Variants in DAB1 observed in about 807,000 individuals in gnomAD.
DAB1 encodes DAB adaptor protein 1, also known as disabled homolog 1.
Under a neutral mutation model 64.6 loss-of-function variants are expected in DAB1, and 15 were observed. That is an observed-to-expected ratio of 0.23 (90% CI 0.16 to 0.36). DAB1 has a LOEUF of 0.36. Among genes scored for constraint, DAB1 ranks in the 10% least tolerant of loss-of-function variants. The pLI is 1.00. For synonymous variants in DAB1, 235 were observed against 251.9 expected, an observed-to-expected ratio of 0.93 and a Z score of 0.64; for missense variants, 596 against 706.7, an observed-to-expected ratio of 0.84 and a Z score of 1.78.
intron 2 of DAB1, among the ~76,000 whole-genome samples, chr1:57,263,506 A>ACCT (rs1316060911): frequency 6.6e-6 from 1 of 152,194 alleles, no homozygotes; most frequent in Non-Finnish European, 1.5e-5. Context: ...GGACCTAGTA[A>ACCT]GCACTTATTA....
At chr1:58,480,960 T>C (rs200517032) in intron 3 of DAB1, 6 of 858,736 alleles carry the variant, frequency 7.0e-6, no homozygotes, top group Non-Finnish European at 1.2e-5. Context: ...CTCATAAATT[T>C]TAATTCAACT....
At chr1:58,330,189 A>G (rs1038430855) in intron 4 of DAB1, among the ~76,000 whole-genome samples, 3 of 152,248 alleles carry the variant, frequency 2.0e-5, no homozygotes, top group Admixed American at 6.5e-5. Flanking sequence ...ATCCTGATAT[A>G]GAGAAAGTTT....
At chr1:58,071,301 TG>T (rs1649230117) in intron 5 of DAB1, among the ~76,000 whole-genome samples, 2 of 151,366 alleles carry the variant, frequency 1.3e-5, no homozygotes, top group Admixed American at 1.3e-4. Flanking sequence ...ACAGTATGGA[TG>T]GGGAAGATCC....
At chr1:57,938,912 T>C (rs1645064403) in intron 5 of DAB1, among the ~76,000 whole-genome samples, 3 of 152,052 alleles carry the variant, frequency 2.0e-5, no homozygotes, top group Admixed American at 2.0e-4. Context: ...TGCTCAATGC[T>C]GAGCCAAACC....
intron 4 of DAB1, among the ~76,000 whole-genome samples, chr1:58,178,487 G>A (rs1479588107): frequency 6.6e-6 from 1 of 152,104 alleles, no homozygotes; most frequent in Non-Finnish European, 1.5e-5. Flanking sequence ...AGATGCAGAA[G>A]GGCCTTTTAA....
chr1:57,332,304 T>C (rs1676738040), intron 1 of DAB1, among the ~76,000 whole-genome samples: 1 of 152,170 alleles, frequency 6.6e-6, no homozygotes, highest in African/African-American at 2.4e-5. Flanking sequence ...ATCTTGCTTG[T>C]TCAGGCCACT....
intron 4 of DAB1, among the ~76,000 whole-genome samples, chr1:58,250,478 G>C (rs1259728564): frequency 6.6e-6 from 1 of 152,158 alleles, no homozygotes; most frequent in Non-Finnish European, 1.5e-5. Flanking sequence ...AGCAGCAGTA[G>C]CAGCAGCAGC....
chr1:57,150,192 C>T (rs1397457649), intron 2 of DAB1, among the ~76,000 whole-genome samples: 8 of 152,190 alleles, frequency 5.3e-5, no homozygotes, highest in Non-Finnish European at 8.8e-5. Flanking sequence ...CTAATGGGTG[C>T]TCCCAGTATT....
At chr1:57,458,602 T>C (rs1370701120) in intron 7 of DAB1, among the ~76,000 whole-genome samples, 1 of 152,082 alleles carries the variant, frequency 6.6e-6, no homozygotes, top group Non-Finnish European at 1.5e-5. Context: ...TAGGACTCTA[T>C]CATAAGCAAA....
intron 3 of DAB1, among the ~76,000 whole-genome samples, chr1:58,505,320 T>C (rs1486035414): frequency 6.6e-6 from 1 of 152,178 alleles, no homozygotes; most frequent in Non-Finnish European, 1.5e-5. Flanking sequence ...TGCTAAAAAA[T>C]GTTCCGCTTT....
intron 2 of DAB1, among the ~76,000 whole-genome samples, chr1:57,278,667 A>G: frequency 6.6e-6 from 1 of 152,178 alleles, no homozygotes; most frequent in Admixed American, 6.5e-5. Context: ...AAAAAGAGAG[A>G]GGGGAACTTC....
At chr1:58,537,009 G>GT (rs971078970) in intron 1 of DAB1, among the ~76,000 whole-genome samples, 46 of 151,416 alleles carry the variant, frequency 3.0e-4, no homozygotes, top group African/African-American at 1.1e-3. Flanking sequence ...TGAGATGCTA[G>GT]TTTACTATAA....
intron 4 of DAB1, among the ~76,000 whole-genome samples, chr1:58,166,727 TTTG>T (rs1260811159): frequency 6.6e-6 from 1 of 150,392 alleles, no homozygotes. Context: ...TTTAACATTT[TTTG>T]TTGTTGTTTT....
chr1:57,243,947 A>C (rs759363819), intron 2 of DAB1, among the ~76,000 whole-genome samples: 2 of 152,060 alleles, frequency 1.3e-5, no homozygotes, highest in African/African-American at 2.4e-5. Flanking sequence ...CTTCCACTAG[A>C]TCATTCTTTT....
intron 4 of DAB1, among the ~76,000 whole-genome samples, chr1:58,319,519 C>G (rs757296663): frequency 4.3e-4 from 66 of 152,176 alleles, no homozygotes; most frequent in Non-Finnish European, 7.6e-4. Context: ...CTCTCTTCTC[C>G]ACTCCTCTCT....
rs1214440107 is a variant in DAB1, at chr1:56,996,428, C to G, written c.*1716G>C. The G allele has an allele frequency of 6.6e-6, 1 of 152,116 alleles. No individual in the cohort carries two copies. Among genetic ancestry groups the G allele is most frequent in the Non-Finnish European group, 1.5e-5 (1 of 68,020 alleles). 9.4% of individuals were successfully genotyped at this position (152,116 alleles called of 1,614,324 possible). Reference sequence around the variant, plus strand: ...TCTGTAGGGCAAAAATATATAGATTCTTTATGAAAATCATGTGCTAAACAT... The same window carrying G: ...TCTGTAGGGCAAAAATATATAGATTGTTTATGAAAATCATGTGCTAAACAT... On this transcript the variant is annotated 3_prime_UTR_variant, in exon 15 of 15. Coordinates refer to ENST00000371236, the MANE Select transcript of DAB1 (RefSeq NM_001365792.1).
intron 5 of DAB1, among the ~76,000 whole-genome samples, chr1:57,897,288 T>C (rs1644405356): frequency 6.6e-6 from 1 of 152,174 alleles, no homozygotes; most frequent in Non-Finnish European, 1.5e-5. Context: ...TTGTTGCCCA[T>C]GGGAAAATGT....
chr1:57,862,803 G>A (rs1041040914), intron 1 of DAB1: 10 of 152,090 alleles, frequency 6.6e-5, no homozygotes, highest in Non-Finnish European at 1.5e-5. Flanking sequence ...AAGAAACAGG[G>A]ACACTGAGAC....
At chr1:57,103,857 C>T (rs1654902099) in intron 4 of DAB1, among the ~76,000 whole-genome samples, 1 of 152,068 alleles carries the variant, frequency 6.6e-6, no homozygotes, top group African/African-American at 2.4e-5. Context: ...ACCCCTATGT[C>T]AGTGCAGGGG....
Sources: gnomAD v4.1 joint callset for allele counts (sites outside exome capture counted in the v4.1 genomes callset) on GRCh38, gnomAD v4.1.1 for gene constraint, MANE v1.5 for transcripts, NCBI Gene and HGNC (gene_info 2026-07-23, HGNC 2026-07-21) for gene names.